DEPTOR: variants seen among roughly 807,000 people sequenced by gnomAD.
DEPTOR encodes the protein DEP domain containing MTOR interacting protein.
In DEPTOR, 41 loss-of-function variants were observed where a neutral mutation model predicts 41.6. The observed-to-expected ratio is 0.98, with a 90% CI of 0.77 to 1.28. The LOEUF (loss-of-function observed/expected upper bound fraction) is 1.28. Ranked by LOEUF, DEPTOR falls within the 50% of genes most tolerant of loss-of-function variation. The pLI, the probability that DEPTOR is intolerant of heterozygous loss-of-function variation, is 0.00. For synonymous variants in DEPTOR, 195 were observed against 192.3 expected, an observed-to-expected ratio of 1.01 and a Z score of -0.12; for missense variants, 514 against 527.9, an observed-to-expected ratio of 0.97 and a Z score of 0.26.
chr8:119,999,650 A>G (rs1425759872), intron 4 of DEPTOR, among the ~76,000 whole-genome samples: 6 of 152,248 alleles, frequency 3.9e-5, no homozygotes, highest in African/African-American at 1.2e-4. Context: ...TAAATAAAGT[A>G]TAGATTTCCT....
chr8:119,879,987 C>G (rs1473402141), intron 1 of DEPTOR, among the ~76,000 whole-genome samples: 1 of 151,746 alleles, frequency 6.6e-6, no homozygotes, highest in Non-Finnish European at 1.5e-5. Flanking sequence ...ACTAAAAATA[C>G]AAAAATTAGC....
intron 1 of DEPTOR, among the ~76,000 whole-genome samples, chr8:119,880,465 C>G (rs146461440): frequency 0.019 from 2,828 of 152,156 alleles, 87 homozygotes; most frequent in African/African-American, 0.063. Flanking sequence ...CTCTTAAGCA[C>G]TATGATAAGC....
At chr8:119,907,124 G>A (rs956190469) in intron 1 of DEPTOR, among the ~76,000 whole-genome samples, 15 of 152,148 alleles carry the variant, frequency 9.9e-5, no homozygotes, top group African/African-American at 3.4e-4. Context: ...CTATGATGTT[G>A]TAGCAACAAA....
chr8:119,998,403 T>C (rs1006099999), intron 4 of DEPTOR, among the ~76,000 whole-genome samples: 2 of 152,204 alleles, frequency 1.3e-5, no homozygotes, highest in African/African-American at 2.4e-5. Flanking sequence ...GGGGTTTTAA[T>C]GTGTATTTCC....
intron 1 of DEPTOR, among the ~76,000 whole-genome samples, chr8:119,905,545 G>C (rs1202953677): frequency 6.6e-6 from 1 of 151,962 alleles, no homozygotes; most frequent in Non-Finnish European, 1.5e-5. Context: ...AGTGGTTTTT[G>C]ATGTTTCTGA....
intron 3 of DEPTOR, among the ~76,000 whole-genome samples, chr8:119,962,381 G>A (rs554169424): frequency 6.6e-6 from 1 of 152,170 alleles, no homozygotes; most frequent in Non-Finnish European, 1.5e-5. Flanking sequence ...AGGGAGCAAT[G>A]AGATGGTCTA....
chr8:119,911,464 A>C (rs1348256730), intron 1 of DEPTOR, among the ~76,000 whole-genome samples: 1 of 151,848 alleles, frequency 6.6e-6, no homozygotes, highest in Admixed American at 6.6e-5. Flanking sequence ...GATTACAGGC[A>C]TGCACCACCA....
At chr8:119,930,163 T>C (rs1828023561) in intron 3 of DEPTOR, among the ~76,000 whole-genome samples, 1 of 152,236 alleles carries the variant, frequency 6.6e-6, no homozygotes, top group Non-Finnish European at 1.5e-5. Flanking sequence ...TTATTTTCTG[T>C]ATTTAAGTTG....
At chr8:119,938,639 A>G (rs1828141828) in intron 3 of DEPTOR, among the ~76,000 whole-genome samples, 1 of 152,060 alleles carries the variant, frequency 6.6e-6, no homozygotes. Flanking sequence ...CAGCCACCCC[A>G]GAAGCTGGGA....
chr8:119,889,270 G>T (rs1827415267), intron 1 of DEPTOR, among the ~76,000 whole-genome samples: 1 of 151,836 alleles, frequency 6.6e-6, no homozygotes, highest in Admixed American at 6.6e-5. Context: ...ACAGAAGCTG[G>T]GTGCAGTGGC....
chr8:119,997,896 G>A (rs1812294346), intron 4 of DEPTOR, among the ~76,000 whole-genome samples: 1 of 152,122 alleles, frequency 6.6e-6, no homozygotes, highest in East Asian at 1.9e-4. Flanking sequence ...GATTCTTAAT[G>A]GGTTTTTATT....
intron 4 of DEPTOR, among the ~76,000 whole-genome samples, chr8:119,983,129 A>G (rs1828788071): frequency 6.6e-6 from 1 of 152,222 alleles, no homozygotes; most frequent in Admixed American, 6.5e-5. Context: ...GGGTATACCG[A>G]TGTTAATGTC....
intron 5 of DEPTOR, 109 bp from the exon 6 acceptor site, chr8:120,002,868 C>G (rs1318551368): frequency 4.7e-6 from 6 of 1,264,616 alleles, no homozygotes; most frequent in Admixed American, 5.8e-5. Context: ...GCCACTAAGA[C>G]CAGTGTGCTT....
chr8:119,902,834 G>C (rs1827611941), intron 1 of DEPTOR, among the ~76,000 whole-genome samples: 1 of 152,176 alleles, frequency 6.6e-6, no homozygotes. Flanking sequence ...ATGTGTTCAA[G>C]GGGAATTTTT....
chr8:119,913,269 G>A (rs1226358173), intron 1 of DEPTOR, among the ~76,000 whole-genome samples: 1 of 152,212 alleles, frequency 6.6e-6, no homozygotes, highest in Non-Finnish European at 1.5e-5. Flanking sequence ...TTTGAGGACT[G>A]CAGCACCAGG....
intron 8 of DEPTOR, among the ~76,000 whole-genome samples, chr8:120,010,483 G>A (rs1214945839): frequency 1.3e-5 from 2 of 151,956 alleles, no homozygotes; most frequent in African/African-American, 4.8e-5. Context: ...AGGCGTAGTG[G>A]CTCATTCCTG....
chr8:119,973,799 A>G (rs1828662306), intron 4 of DEPTOR, among the ~76,000 whole-genome samples: 1 of 152,176 alleles, frequency 6.6e-6, no homozygotes, highest in African/African-American at 2.4e-5. Flanking sequence ...TTAAACATAT[A>G]TTTATATCAT....
chr8:119,891,893 C>T (rs1438331132), intron 1 of DEPTOR, among the ~76,000 whole-genome samples: 1 of 152,262 alleles, frequency 6.6e-6, no homozygotes, highest in Non-Finnish European at 1.5e-5. Context: ...ATGTTCTTTA[C>T]TTGCATAACT....
At chr8:119,879,114 A>AG (rs1275012859) in intron 1 of DEPTOR, among the ~76,000 whole-genome samples, 1 of 151,634 alleles carries the variant, frequency 6.6e-6, no homozygotes, top group East Asian at 2.0e-4. Flanking sequence ...CGGTCTCAAA[A>AG]AAAAAAATGC....
Sources: gnomAD v4.1 joint callset for allele counts (sites outside exome capture counted in the v4.1 genomes callset) on GRCh38, gnomAD v4.1.1 for gene constraint, MANE v1.5 for transcripts, NCBI Gene and HGNC (gene_info 2026-07-23, HGNC 2026-07-21) for gene names.